Variants in RFTN1 observed in about 807,000 individuals in gnomAD.
The protein encoded by RFTN1 is raftlin, lipid raft linker 1.
RFTN1 carries 26 observed loss-of-function variants against 46.5 expected under a neutral mutation model. That is an observed-to-expected ratio of 0.56 (90% CI 0.41 to 0.78). The LOEUF (loss-of-function observed/expected upper bound fraction) is 0.78, where lower values mean the gene tolerates loss of function less well. RFTN1 is among the 30% of genes least tolerant of loss of function. The pLI, the probability that RFTN1 is intolerant of heterozygous loss-of-function variation, is 0.00. For synonymous variants in RFTN1, 261 were observed against 284.2 expected (o/e 0.92, Z 0.82); for missense variants, 693 against 718.7 (o/e 0.96, Z 0.41).
Position 16,358,049 on chromosome 3 carries a change from T to C in RFTN1, c.1031-2A>G. ...CATCTGTCAAGCCATGTAAGGAATCTGTGGAAAAAGAAAAAGGCGGGGGTG... is the reference window on the plus strand; with the variant it reads ...CATCTGTCAAGCCATGTAAGGAATCCGTGGAAAAAGAAAAAGGCGGGGGTG... On this transcript the variant is annotated splice_acceptor_variant, in intron 6 of 9. Transcript: ENST00000334133. LOFTEE classifies it high-confidence loss of function. The C allele has an allele frequency of 7.1e-7, 1 of 1,412,582 alleles. No homozygotes were observed. The highest frequency in any genetic ancestry group is 9.5e-7 in the Non-Finnish European group (1 of 1,047,860). 87.5% of individuals were successfully genotyped at this position (1,412,582 alleles called of 1,614,324 possible).
At position 16,320,498 on chromosome 3, in the gene RFTN1, G is replaced by A. The variant is rs2068926681; in HGVS notation, c.1332+2878C>T. ...ACTAAAATCTGGGTACACAACACAG[G>A]AAAAAGGTCTTTGCTCTTGTGGAGA... On this transcript the variant is annotated intron_variant, in intron 9 of 9. Transcript: ENST00000334133. The surrounding 1 kb of genome is among the most constrained non-coding windows in gnomAD (Gnocchi z 4.5). 6.6e-6 allele frequency among the ~76,000 whole-genome samples: 1 copy of A among 152,192 alleles called. No individual in the cohort carries two copies. The highest frequency in any genetic ancestry group is 2.4e-5 in the African/African-American group (1 of 41,438).
intron 2 of RFTN1, among the ~76,000 whole-genome samples, chr3:16,454,043 C>A (rs532379004): frequency 7.0e-4 from 106 of 152,302 alleles, no homozygotes; most frequent in Non-Finnish European, 1.2e-3. Flanking sequence ...GGACATGATG[C>A]CAGACCTCTA....
chr3:16,359,751 G>T (rs952155316), intron 6 of RFTN1, among the ~76,000 whole-genome samples: 3 of 152,240 alleles, frequency 2.0e-5, no homozygotes, highest in Admixed American at 6.5e-5. Flanking sequence ...CAAACAAAGC[G>T]CATTTCAATG....
At position 16,329,060 on chromosome 3, in the gene RFTN1, G is replaced by T. The variant is rs537029906; in HGVS notation, c.1147-2184C>A. Among the ~76,000 whole-genome samples, 63 of 152,358 alleles carry T rather than the reference G, an allele frequency of 4.1e-4. No individual in the cohort carries two copies. Among genetic ancestry groups the T allele is most frequent in the African/African-American group, 1.4e-3 (59 of 41,574 alleles). ...TGACATTGAATGGTGAGGCCTGGTG[G>T]GAGTGTTTAGGTCAGAAGGGCTCCA... On this transcript the variant is annotated intron_variant, in intron 7 of 9. Transcript: ENST00000334133. The surrounding 1 kb of genome is among the most constrained non-coding windows in gnomAD (Gnocchi z 4.5).
In RFTN1 at chr3:16,338,727, ATATCT is replaced by A. The variant is rs2071092908; in HGVS notation, c.1147-11856_1147-11852del. Among the ~76,000 whole-genome samples, 1 of 152,216 alleles carries A rather than the reference ATATCT, an allele frequency of 6.6e-6. No homozygotes were observed. Among genetic ancestry groups the A allele is most frequent in the Non-Finnish European group, 1.5e-5 (1 of 68,036 alleles). On this transcript the variant is annotated intron_variant, in intron 7 of 9. Coordinates refer to ENST00000334133, the MANE Select transcript of RFTN1 (RefSeq NM_015150.2). The surrounding 1 kb of genome is among the most constrained non-coding windows in gnomAD (Gnocchi z 5.3). ...AGAGATGAATGAGGGATCCTATATC[ATATCT>A]TTAGCCCTTCTTTCTGATTTTTCAC...
Position 16,451,716 on chromosome 3 carries a change from C to G in RFTN1, c.146-17679G>C, listed in dbSNP as rs1448532788. On this transcript the variant is annotated intron_variant, in intron 2 of 9. Transcript: ENST00000334133. The surrounding 1 kb of genome is among the most constrained non-coding windows in gnomAD (Gnocchi z 4.2). ...ACTTTTGCAGCCTGAGGTGTGACAG[C>G]AAAACTACTAGCGTGATTTTTTTTT... 6.6e-6 allele frequency among the ~76,000 whole-genome samples: 1 copy of G among 152,184 alleles called. No individual in the cohort carries two copies. Among genetic ancestry groups the G allele is most frequent in the African/African-American group, 2.4e-5 (1 of 41,428 alleles).
rs996165081 is a variant in RFTN1 at position 16,474,606 on chromosome 3, G to GA, written c.145+19118dup. Among the ~76,000 whole-genome samples the GA allele has an allele frequency of 1.7e-4, 26 of 149,228 alleles. No individual in the cohort carries two copies. The highest frequency in any genetic ancestry group is 9.8e-4 in the East Asian group (5 of 5,120). ...TTTAAAGCACTCAAGGAGAGGTGAA[G>GA]AAAAAAAAAATAGGCTCCCCTCCAA... is the stretch of plus-strand genomic sequence containing the variant. On this transcript the variant is annotated intron_variant, in intron 2 of 9. Coordinates refer to ENST00000334133, the MANE Select transcript of RFTN1 (RefSeq NM_015150.2). The surrounding 1 kb of genome is among the most constrained non-coding windows in gnomAD (Gnocchi z 5.5).
rs1489157155 is a variant in RFTN1 at position 16,345,834 on chromosome 3, GCA to G, written c.1146+12096_1146+12097del. Among the ~76,000 whole-genome samples the G allele has an allele frequency of 0.15, 9,495 of 64,232 alleles. 369 individuals are homozygous for G. Among genetic ancestry groups the G allele is most frequent in the Middle Eastern group, 0.26 (32 of 122 alleles). The allele number at this position is 64,232 out of a possible 152,430, so 42.1% of individuals were successfully genotyped here. ...TGTGTGTGTGCGCGCGCGCGTGCGC[GCA>G]CGCGCACATGTGCATGTGTATGTGT... On this transcript the variant is annotated intron_variant, in intron 7 of 9. Transcript: ENST00000334133. The surrounding 1 kb of genome is among the most constrained non-coding windows in gnomAD (Gnocchi z 5.2).
In RFTN1 at chr3:16,433,287, A is replaced by G. The variant is rs2075432608; in HGVS notation, c.332+564T>C. Among the ~76,000 whole-genome samples the G allele has an allele frequency of 6.6e-6, 1 of 152,188 alleles. No homozygotes were observed. Among genetic ancestry groups the G allele is most frequent in the Non-Finnish European group, 1.5e-5 (1 of 68,032 alleles). ...CATAAGCATTCAACTGGGCAAGCCA[A>G]ACTGAAAAACATCCCCAAGCCCTGA... is the stretch of plus-strand genomic sequence containing the variant. On this transcript the variant is annotated intron_variant, in intron 3 of 9. Transcript: ENST00000334133. This position sits in a 1 kb window ranked among gnomAD's most constrained non-coding sequence, Gnocchi z 4.4.
intron 1 of RFTN1, among the ~76,000 whole-genome samples, chr3:16,497,775 C>A (rs1417305733): frequency 2.0e-5 from 3 of 152,212 alleles, no homozygotes; most frequent in African/African-American, 7.2e-5. Context: ...TGACAAATAT[C>A]TCCATGGGAA....
Position 16,380,280 on chromosome 3 carries a change from G to T in RFTN1, c.442-2178C>A, listed in dbSNP as rs948214806. Among the ~76,000 whole-genome samples the T allele has an allele frequency of 3.9e-5, 6 of 152,190 alleles. No individual in the cohort carries two copies. Among genetic ancestry groups the T allele is most frequent in the African/African-American group, 1.4e-4 (6 of 41,436 alleles). On this transcript the variant is annotated intron_variant, in intron 4 of 9. Coordinates refer to ENST00000334133, the MANE Select transcript of RFTN1 (RefSeq NM_015150.2). This position sits in a 1 kb window ranked among gnomAD's most constrained non-coding sequence, Gnocchi z 4.8. ...TATTTTGCAGTTGCACTGAAACTTA[G>T]TTTAGACATTACATATGGCAAGTGC...
rs564675611 is a variant in RFTN1 at position 16,465,196 on chromosome 3, C to G, written c.145+28529G>C. On this transcript the variant is annotated intron_variant, in intron 2 of 9. Transcript: ENST00000334133. The surrounding 1 kb of genome is among the most constrained non-coding windows in gnomAD (Gnocchi z 5.1). The stretch of plus-strand genomic sequence containing the variant: ...TGCTAAAACAAATAATGGAAGGCAA[C>G]TATTCAAGGATGCCACTTCAAGGTA... Among the ~76,000 whole-genome samples the G allele has an allele frequency of 2.0e-5, 3 of 148,930 alleles. No homozygotes were observed. Among genetic ancestry groups the G allele is most frequent in the East Asian group, 2.0e-4 (1 of 5,110 alleles).
At chr3:16,330,400 G>A (rs1193211853) in intron 7 of RFTN1, among the ~76,000 whole-genome samples, 1 of 152,190 alleles carries the variant, frequency 6.6e-6, no homozygotes, top group Non-Finnish European at 1.5e-5. Flanking sequence ...GCCTGTCAGT[G>A]AAAGACACTT....
rs1160202433 is a variant in RFTN1, at chr3:16,322,733, ACT to A, written c.1332+641_1332+642del. 2.6e-5 allele frequency among the ~76,000 whole-genome samples: 4 copies of A among 151,856 alleles called. No individual in the cohort carries two copies. Among genetic ancestry groups the A allele is most frequent in the South Asian group, 2.1e-4 (1 of 4,798 alleles). Reference sequence around the variant, plus strand: ...TCAACCTTCAGGAATCACAGAGAAGACTCTCTGAGAAGGCCAGTCTCTGTGCG... The same window carrying A: ...TCAACCTTCAGGAATCACAGAGAAGACTCTGAGAAGGCCAGTCTCTGTGCG... On this transcript the variant is annotated intron_variant, in intron 9 of 9. Coordinates refer to ENST00000334133, the MANE Select transcript of RFTN1 (RefSeq NM_015150.2). The surrounding 1 kb of genome is among the most constrained non-coding windows in gnomAD (Gnocchi z 6.2).
At position 16,383,854 on chromosome 3, in the gene RFTN1, CAG is replaced by C. The variant is rs1355019699; in HGVS notation, c.442-5754_442-5753del. On this transcript the variant is annotated intron_variant, in intron 4 of 9. Coordinates refer to ENST00000334133, the MANE Select transcript of RFTN1 (RefSeq NM_015150.2). This position sits in a 1 kb window ranked among gnomAD's most constrained non-coding sequence, Gnocchi z 4.0. ...GTAGTAGATAGCATGGGTAAAGAGTCAGAGACACTTCCAAGACTGTTTTGTCT... is the reference window on the plus strand; with the variant it reads ...GTAGTAGATAGCATGGGTAAAGAGTCAGACACTTCCAAGACTGTTTTGTCT... Among the ~76,000 whole-genome samples, 13 of 152,190 alleles carry C rather than the reference CAG, an allele frequency of 8.5e-5. No homozygotes were observed. Among genetic ancestry groups the C allele is most frequent in the Non-Finnish European group, 1.5e-4 (10 of 68,042 alleles).
rs1348302436 is a variant in RFTN1, at chr3:16,346,441, C to CT, written c.1146+11490dup. On this transcript the variant is annotated intron_variant, in intron 7 of 9. Transcript: ENST00000334133. The surrounding 1 kb of genome is among the most constrained non-coding windows in gnomAD (Gnocchi z 4.4). ...ATAAAGATTAAAGGTCAAATACTTC[C>CT]TTTTGTCATCTCATTATCCAAACCG... 1.3e-5 allele frequency: 2 copies of CT among 152,152 alleles called. No individual in the cohort carries two copies. The highest frequency in any genetic ancestry group is 2.9e-5 in the Non-Finnish European group (2 of 68,014). The allele number at this position is 152,152 out of a possible 1,614,324, so 9.4% of individuals were successfully genotyped here.
intron 6 of RFTN1, among the ~76,000 whole-genome samples, chr3:16,362,380 G>T (rs1410695228): frequency 1.3e-5 from 2 of 152,138 alleles, no homozygotes; most frequent in Non-Finnish European, 1.5e-5. Flanking sequence ...ATGTTTCATA[G>T]GTTATCAGGG....
chr3:16,509,813 C>G lies in RFTN1; in HGVS notation c.-9+3629G>C, dbSNP rs919351688. ...TCAGCCAATGTTTACTGTGTCCCTA[C>G]CCTCTGGCAGGCACTGCGCTAGGCT... On this transcript the variant is annotated intron_variant, in intron 1 of 9. Coordinates refer to ENST00000334133, the MANE Select transcript of RFTN1 (RefSeq NM_015150.2). The surrounding 1 kb of genome is among the most constrained non-coding windows in gnomAD (Gnocchi z 4.9). Among the ~76,000 whole-genome samples the G allele has an allele frequency of 3.9e-5, 6 of 152,138 alleles. No individual in the cohort carries two copies. The highest frequency in any genetic ancestry group is 1.4e-4 in the African/African-American group (6 of 41,436).
Position 16,460,661 on chromosome 3 carries a change from G to GT in RFTN1, c.146-26625dup, listed in dbSNP as rs1378105640. 2.0e-5 allele frequency among the ~76,000 whole-genome samples: 3 copies of GT among 152,160 alleles called. No individual in the cohort carries two copies. The highest frequency in any genetic ancestry group is 6.5e-5 in the Admixed American group (1 of 15,286). ...TTTTTGGTGAGGGTAGAAATATCATGTAAGAGGCCTGTTATACAGATAACT... is the reference window on the plus strand; with the variant it reads ...TTTTTGGTGAGGGTAGAAATATCATGTTAAGAGGCCTGTTATACAGATAACT... On this transcript the variant is annotated intron_variant, in intron 2 of 9. Transcript: ENST00000334133. This position sits in a 1 kb window ranked among gnomAD's most constrained non-coding sequence, Gnocchi z 4.8.
Sources: gnomAD v4.1 joint callset for allele counts (sites outside exome capture counted in the v4.1 genomes callset) on GRCh38, gnomAD v4.1.1 for gene constraint, Gnocchi (gnomAD v3.1) non-coding constraint, MANE v1.5 for transcripts, NCBI Gene and HGNC (gene_info 2026-07-23, HGNC 2026-07-21) for gene names.